IL1RAPL1: variants seen among roughly 807,000 people sequenced by gnomAD.
IL1RAPL1 encodes interleukin-1 receptor accessory protein-like 1.
A neutral mutation model predicts 48.4 loss-of-function variants in IL1RAPL1; 3 were observed. The ratio of observed to expected loss-of-function variants is 0.06; its 90% CI spans 0.03 to 0.16. IL1RAPL1 has a LOEUF of 0.16. Ranked by LOEUF, IL1RAPL1 falls within the 10% of genes least tolerant of loss-of-function variation. IL1RAPL1 has a pLI of 1.00. For missense variants in IL1RAPL1, 349 were observed against 530.6 expected, an observed-to-expected ratio of 0.66 and a Z score of 3.36; for synonymous variants, 185 against 187.7, an observed-to-expected ratio of 0.99 and a Z score of 0.12.
At chrX:29,153,363 A>T (rs1016174802) in intron 2 of IL1RAPL1, among the ~76,000 whole-genome samples, 2 of 111,762 alleles carry the variant, frequency 1.8e-5, no homozygotes, top group Non-Finnish European at 3.8e-5. Context: ...GGAGATTAGG[A>T]CACAGATGTC....
chrX:29,385,010 A>G (rs774410584), intron 3 of IL1RAPL1, among the ~76,000 whole-genome samples: 1 of 105,882 alleles, frequency 9.4e-6, no homozygotes, highest in Non-Finnish European at 1.9e-5. Context: ...TTTAAAGTGT[A>G]CCATTCTAAT....
chrX:28,854,995 G>C (rs1329934195), intron 2 of IL1RAPL1, among the ~76,000 whole-genome samples: 2 of 109,194 alleles, frequency 1.8e-5, no homozygotes, highest in Non-Finnish European at 3.8e-5. Context: ...TAGCATATTT[G>C]ACATGCACAG....
intron 6 of IL1RAPL1, among the ~76,000 whole-genome samples, chrX:29,789,696 A>G (rs960839515): frequency 9.2e-6 from 1 of 109,086 alleles, no homozygotes; most frequent in Non-Finnish European, 1.9e-5. Flanking sequence ...CAGATAAGTG[A>G]TTCTTGTAAT....
At chrX:29,903,524 T>C (rs1035476029) in intron 6 of IL1RAPL1, among the ~76,000 whole-genome samples, 8 of 111,316 alleles carry the variant, frequency 7.2e-5, no homozygotes, top group African/African-American at 2.6e-4. Context: ...TCTTTTTAAT[T>C]AAAAAAAGAG....
At chrX:29,209,580 T>C (rs879173889) in intron 2 of IL1RAPL1, among the ~76,000 whole-genome samples, 2 of 112,014 alleles carry the variant, frequency 1.8e-5, no homozygotes, top group Admixed American at 1.9e-4. Flanking sequence ...GCACAAGCTA[T>C]GCATCTGTAC....
chrX:29,206,423 T>A (rs1325338745), intron 2 of IL1RAPL1, among the ~76,000 whole-genome samples: 1 of 111,598 alleles, frequency 9.0e-6, no homozygotes, highest in African/African-American at 3.3e-5. Flanking sequence ...TATTTATTAA[T>A]AGAGGTTTAT....
At chrX:29,403,239 A>C (rs1187008047) in intron 5 of IL1RAPL1, among the ~76,000 whole-genome samples, 4 of 112,209 alleles carry the variant, frequency 3.6e-5, no homozygotes, top group African/African-American at 1.3e-4. Context: ...ACTTTGCTTT[A>C]TAATCCAAAT....
chrX:29,717,235 CACGAACAA>C, intron 6 of IL1RAPL1, among the ~76,000 whole-genome samples: 1 of 110,437 alleles, frequency 9.1e-6, no homozygotes, highest in South Asian at 3.8e-4. Flanking sequence ...CACACACACA[CACGAACAA>C]GAATAAATAG....
At chrX:29,346,403 G>A (rs1933150346) in intron 3 of IL1RAPL1, among the ~76,000 whole-genome samples, 1 of 112,184 alleles carries the variant, frequency 8.9e-6, no homozygotes, top group East Asian at 2.8e-4. Context: ...AGAGTGGTAG[G>A]AGTTGGGAGG....
intron 9 of IL1RAPL1, among the ~76,000 whole-genome samples, chrX:29,947,074 G>A (rs1225158801): frequency 1.8e-5 from 2 of 111,538 alleles, no homozygotes; most frequent in African/African-American, 6.5e-5. Context: ...ACCGCCTCTG[G>A]AGTGTTGCCT....
chrX:29,737,520 A>G (rs1928080503), intron 6 of IL1RAPL1, among the ~76,000 whole-genome samples: 1 of 111,976 alleles, frequency 8.9e-6, no homozygotes, highest in African/African-American at 3.2e-5. Context: ...TTATCCTATA[A>G]TAGGGTCCAT....
chrX:29,234,454 C>G (rs1282040800), intron 2 of IL1RAPL1, among the ~76,000 whole-genome samples: 1 of 111,702 alleles, frequency 9.0e-6, no homozygotes, highest in East Asian at 2.8e-4. Context: ...CCCTTATAAA[C>G]AGACTATAAT....
intron 2 of IL1RAPL1, among the ~76,000 whole-genome samples, chrX:29,150,698 C>T (rs1929446303): frequency 9.1e-6 from 1 of 109,882 alleles, no homozygotes; most frequent in Non-Finnish European, 1.9e-5. Flanking sequence ...CTGAGGAGGG[C>T]AGATCACGAG....
chrX:29,601,940 C>G (rs1042860473), intron 5 of IL1RAPL1, among the ~76,000 whole-genome samples: 1 of 112,063 alleles, frequency 8.9e-6, no homozygotes, highest in Non-Finnish European at 1.9e-5. Flanking sequence ...CAAATATAGT[C>G]ACAGTTTCTT....
intron 2 of IL1RAPL1, among the ~76,000 whole-genome samples, chrX:29,163,994 T>C (rs918998032): frequency 9.0e-6 from 1 of 111,719 alleles, no homozygotes; most frequent in Non-Finnish European, 1.9e-5. Flanking sequence ...GCTTTATTCA[T>C]ATTGAGCAAA....
chrX:28,727,873 G>A (rs1022875398), intron 1 of IL1RAPL1, among the ~76,000 whole-genome samples: 5 of 108,052 alleles, frequency 4.6e-5, no homozygotes, highest in Non-Finnish European at 9.6e-5. Context: ...TGAACAATGA[G>A]ATCACATGGA....
At chrX:29,104,263 A>G (rs1234584716) in intron 2 of IL1RAPL1, among the ~76,000 whole-genome samples, 1 of 112,325 alleles carries the variant, frequency 8.9e-6, no homozygotes, top group Non-Finnish European at 1.9e-5. Flanking sequence ...AATGTGGTAC[A>G]TATACACAAT....
intron 6 of IL1RAPL1, among the ~76,000 whole-genome samples, chrX:29,870,304 G>A (rs1047559070): frequency 8.0e-5 from 9 of 111,914 alleles, no homozygotes; most frequent in African/African-American, 2.6e-4. Flanking sequence ...TGCAGCCAGG[G>A]GCAAAGATAG....
intron 1 of IL1RAPL1, among the ~76,000 whole-genome samples, chrX:28,719,503 G>C (rs775406782): frequency 3.6e-5 from 4 of 110,639 alleles, no homozygotes; most frequent in Non-Finnish European, 5.7e-5. Flanking sequence ...AATAAAAACA[G>C]TAGTATGGAT....
Sources: gnomAD v4.1 joint callset for allele counts (sites outside exome capture counted in the v4.1 genomes callset) on GRCh38, gnomAD v4.1.1 for gene constraint, MANE v1.5 for transcripts, NCBI Gene and HGNC (gene_info 2026-07-23, HGNC 2026-07-21) for gene names.